CDH2: variants seen among roughly 807,000 people sequenced by gnomAD.
CDH2 encodes cadherin-2.
Under a neutral mutation model 92.0 loss-of-function variants are expected in CDH2, and 17 were observed. That is an observed-to-expected ratio of 0.18 (90% CI 0.13 to 0.28). CDH2 has a LOEUF of 0.28. Among genes scored for constraint, CDH2 ranks in the 10% least tolerant of loss-of-function variants. The pLI is 1.00. For missense variants in CDH2, 862 were observed against 1,133.1 expected (o/e 0.76, Z 3.44); for synonymous variants, 419 against 415.9 (o/e 1.01, Z -0.09).
At chr18:28,002,506 TAG>T (rs1461385965) in intron 7 of CDH2, among the ~76,000 whole-genome samples, 1 of 152,200 alleles carries the variant, frequency 6.6e-6, no homozygotes, top group Non-Finnish European at 1.5e-5. Context: ...AAATTAATCA[TAG>T]AGTTAAGGGG....
At chr18:27,996,522 A>C (rs1287028810) in intron 7 of CDH2, among the ~76,000 whole-genome samples, 1 of 152,208 alleles carries the variant, frequency 6.6e-6, no homozygotes, top group East Asian at 1.9e-4. Context: ...ACGACTTCTG[A>C]AAGTTCTTGA....
rs149901746 is a variant in CDH2 at position 28,100,198 on chromosome 18, ACAGTTAAAT to A, written c.172+47466_172+47474del. Among the ~76,000 whole-genome samples the A allele has an allele frequency of 9.6e-3, 1,463 of 152,296 alleles. 24 individuals carry two copies. The highest frequency in any genetic ancestry group is 0.034 in the African/African-American group (1,400 of 41,560). On this transcript the variant is annotated intron_variant, in intron 2 of 15. Coordinates refer to ENST00000269141, the MANE Select transcript of CDH2 (RefSeq NM_001792.5). ...GTGAGTGTGTTTTGGGATGAAATTA[ACAGTTAAAT>A]CAGTAGACTGAATAAAACAGATTGC...
At chr18:28,146,320 G>T (rs1287071423) in intron 2 of CDH2, 1 of 151,998 alleles carries the variant, frequency 6.6e-6, no homozygotes, top group African/African-American at 2.4e-5. Context: ...GGTCATACAA[G>T]TTCTAGGGTG....
intron 6 of CDH2, among the ~76,000 whole-genome samples, chr18:27,942,533 G>A (rs745327891): frequency 1.3e-5 from 2 of 152,160 alleles, no homozygotes; most frequent in Admixed American, 1.3e-4. Flanking sequence ...CTCTGGCCAT[G>A]TTTAATTTCT....
At chr18:28,020,623 AGC>A (rs1451382275) in intron 2 of CDH2, among the ~76,000 whole-genome samples, 1 of 152,014 alleles carries the variant, frequency 6.6e-6, no homozygotes, top group African/African-American at 2.4e-5. Flanking sequence ...CAAAATATGA[AGC>A]AGTTTTATTA....
intron 14 of CDH2, among the ~76,000 whole-genome samples, chr18:27,978,924 G>T (rs562009167): frequency 5.3e-5 from 8 of 151,778 alleles, no homozygotes; most frequent in African/African-American, 1.9e-4. Context: ...CCAAAGTCCT[G>T]GGATTATAGG....
chr18:27,966,036 T>TTTTTTTTTTTTTTTTTTTGAG (rs2011527317), intron 14 of CDH2, among the ~76,000 whole-genome samples: 1 of 148,630 alleles, frequency 6.7e-6, no homozygotes, highest in African/African-American at 2.5e-5. Context: ...AGAGAAATTT[T>TTTTTTTTTTTTTTTTTTTGAG]AATGCTTTCA....
intron 2 of CDH2, among the ~76,000 whole-genome samples, chr18:28,067,752 C>G (rs2014537533): frequency 6.6e-6 from 1 of 152,092 alleles, no homozygotes; most frequent in African/African-American, 2.4e-5. Context: ...ACCATCTCCT[C>G]AAAGTAAAAT....
chr18:28,099,459 T>A (rs1300179676), intron 2 of CDH2, among the ~76,000 whole-genome samples: 1 of 152,172 alleles, frequency 6.6e-6, no homozygotes, highest in African/African-American at 2.4e-5. Context: ...ATATCTTACA[T>A]TTTATGTTTG....
chr18:27,959,882 G>A (rs1403828001), intron 15 of CDH2, among the ~76,000 whole-genome samples: 1 of 152,048 alleles, frequency 6.6e-6, no homozygotes, highest in African/African-American at 2.4e-5. Flanking sequence ...AGGTGTGGTG[G>A]CTCACACCTG....
At chr18:28,111,312 C>A (rs528832186) in intron 2 of CDH2, among the ~76,000 whole-genome samples, 23 of 152,192 alleles carry the variant, frequency 1.5e-4, no homozygotes, top group Non-Finnish European at 2.8e-4. Flanking sequence ...CACGTGCATA[C>A]GTGACCCCAA....
intron 2 of CDH2, among the ~76,000 whole-genome samples, chr18:28,089,545 G>T (rs1345463358): frequency 6.6e-6 from 1 of 152,002 alleles, no homozygotes; most frequent in African/African-American, 2.4e-5. Context: ...CATATAAATT[G>T]ATAGTCTGTA....
intron 2 of CDH2, among the ~76,000 whole-genome samples, chr18:28,070,104 T>C (rs1214344972): frequency 6.6e-6 from 1 of 152,076 alleles, no homozygotes; most frequent in African/African-American, 2.4e-5. Context: ...GGGATGTGAT[T>C]TGGGAACACG....
chr18:27,965,427 AG>A, intron 14 of CDH2, among the ~76,000 whole-genome samples: 1 of 152,332 alleles, frequency 6.6e-6, no homozygotes, highest in African/African-American at 2.4e-5. Context: ...TAAAATGTTC[AG>A]GGGGAAATCA....
intron 2 of CDH2, among the ~76,000 whole-genome samples, chr18:28,120,125 A>G (rs1254732632): frequency 1.3e-5 from 2 of 152,162 alleles, no homozygotes; most frequent in South Asian, 4.1e-4. Context: ...TGCCTAACTC[A>G]TAATAAACCA....
chr18:27,970,312 C>T (rs904989386), intron 14 of CDH2, among the ~76,000 whole-genome samples: 5 of 152,130 alleles, frequency 3.3e-5, no homozygotes, highest in African/African-American at 9.7e-5. Context: ...GTTTTCACCT[C>T]GAGTTCCAAT....
intron 2 of CDH2, among the ~76,000 whole-genome samples, chr18:28,086,048 T>C (rs1404348151): frequency 6.6e-6 from 1 of 152,142 alleles, no homozygotes; most frequent in Non-Finnish European, 1.5e-5. Context: ...GTGACCAGAA[T>C]ACAAGACCTT....
intron 2 of CDH2, among the ~76,000 whole-genome samples, chr18:28,083,263 A>G (rs1486005379): frequency 2.0e-5 from 3 of 152,118 alleles, no homozygotes; most frequent in African/African-American, 4.8e-5. Flanking sequence ...AGTCCACCCT[A>G]TGCTGAAGAT....
chr18:28,095,807 CAA>C (rs33981188), intron 2 of CDH2, among the ~76,000 whole-genome samples: 114 of 102,910 alleles, frequency 1.1e-3, no homozygotes, highest in Admixed American at 1.3e-3. Flanking sequence ...GCAACTCCAT[CAA>C]AAAAAAAAAA....
Sources: gnomAD v4.1 joint callset for allele counts (sites outside exome capture counted in the v4.1 genomes callset) on GRCh38, gnomAD v4.1.1 for gene constraint, MANE v1.5 for transcripts, NCBI Gene and HGNC (gene_info 2026-07-23, HGNC 2026-07-21) for gene names.